The following MEIS1 variants were observed in gnomAD, a reference collection of about 807,000 sequenced individuals.
The protein encoded by MEIS1 is Meis homeobox 1, also known as homeobox protein Meis1.
A neutral mutation model predicts 50.8 loss-of-function variants in MEIS1; 5 were observed. The ratio of observed to expected loss-of-function variants is 0.10; its 90% confidence interval spans 0.05 to 0.21. The LOEUF is 0.21. MEIS1 is among the 10% of genes least tolerant of loss of function. The probability of loss-of-function intolerance (pLI) is 1.00; values close to 1 mark genes in which losing one functional copy is unlikely to be tolerated. For synonymous variants in MEIS1, 176 were observed against 179.3 expected, an observed-to-expected ratio of 0.98 and a Z score of 0.15; for missense variants, 318 against 517.3, an observed-to-expected ratio of 0.61 and a Z score of 3.74.
chr2:66,523,953 A>T (rs921346029), intron 8 of MEIS1, among the ~76,000 whole-genome samples: 4 of 152,230 alleles, frequency 2.6e-5, no homozygotes, highest in African/African-American at 9.6e-5. Flanking sequence ...AATAATTTAA[A>T]TACAGTCAAA....
At chr2:66,453,280 T>C (rs1252341767) in intron 6 of MEIS1, among the ~76,000 whole-genome samples, 2 of 152,064 alleles carry the variant, frequency 1.3e-5, no homozygotes, top group South Asian at 2.1e-4. Context: ...ATCCAAATAC[T>C]CTGTAACTGT....
At chr2:66,552,737 G>A (rs1674951532) in intron 9 of MEIS1, among the ~76,000 whole-genome samples, 1 of 152,130 alleles carries the variant, frequency 6.6e-6, no homozygotes, top group Non-Finnish European at 1.5e-5. Context: ...AGATTCAGCT[G>A]TTAAAGGTCA....
intron 7 of MEIS1, among the ~76,000 whole-genome samples, chr2:66,486,558 C>A (rs1300404635): frequency 6.6e-6 from 1 of 151,976 alleles, no homozygotes; most frequent in African/African-American, 2.4e-5. Context: ...TTCTTTTTGC[C>A]TAGGATTGTC....
At chr2:66,544,950 G>A (rs1441211723) in intron 8 of MEIS1, among the ~76,000 whole-genome samples, 1 of 152,084 alleles carries the variant, frequency 6.6e-6, no homozygotes, top group Non-Finnish European at 1.5e-5. Context: ...GAGAATTTTT[G>A]TGACACCACT....
At chr2:66,435,948 C>A (rs921125187) in intron 1 of MEIS1, 80 bp downstream of exon 1, 3 of 1,319,938 alleles carry the variant, frequency 2.3e-6, no homozygotes, top group Non-Finnish European at 3.1e-6. Context: ...TAAAAAGTTT[C>A]CTTTTTTTCT....
chr2:66,441,329 G>C (rs1012142893), intron 4 of MEIS1, 85 bp from the exon 5 acceptor site: 1 of 1,150,842 alleles, frequency 8.7e-7, no homozygotes, highest in Non-Finnish European at 1.2e-6. Flanking sequence ...CTGGTGGGAG[G>C]GGGTGGGCTG....
chr2:66,572,262 A>G lies in MEIS1; in HGVS notation c.*1054A>G, dbSNP rs72824830. 4,195 of 152,278 alleles carry G rather than the reference A, an allele frequency of 0.028. 80 individuals carry two copies. The highest frequency in any genetic ancestry group is 0.042 in the Non-Finnish European group (2,884 of 68,042). 9.4% of individuals were successfully genotyped at this position (152,278 alleles called of 1,614,324 possible). A position where few individuals can be genotyped will look rare whatever the true frequency, so the allele number is the denominator to read the frequency against. ...TGTCACATCAAGCATCATTGTCCCC[A>G]TGCAACAACCACCACCTTATACATC... On this transcript the variant is annotated 3_prime_UTR_variant, in exon 13 of 13. Transcript: ENST00000272369.
At chr2:66,531,362 T>A (rs915652804) in intron 8 of MEIS1, among the ~76,000 whole-genome samples, 4 of 152,240 alleles carry the variant, frequency 2.6e-5, no homozygotes, top group Non-Finnish European at 4.4e-5. Flanking sequence ...AGGTCACAGA[T>A]GACTCATGTG....
At chr2:66,560,781 G>A (rs1421139219) in intron 9 of MEIS1, among the ~76,000 whole-genome samples, 1 of 151,908 alleles carries the variant, frequency 6.6e-6, no homozygotes, top group Non-Finnish European at 1.5e-5. Flanking sequence ...TTATCAAGTG[G>A]GTAGAGAAGA....
chr2:66,499,703 A>G (rs113618061), intron 7 of MEIS1, among the ~76,000 whole-genome samples: 1 of 151,794 alleles, frequency 6.6e-6, no homozygotes, highest in Non-Finnish European at 1.5e-5. Context: ...GGTTAAAAAA[A>G]AAAAAAAAAA....
chr2:66,517,786 T>C lies in MEIS1; in HGVS notation c.888+5492T>C, dbSNP rs541895176. Among the ~76,000 whole-genome samples the C allele has an allele frequency of 3.9e-5, 6 of 152,340 alleles. No individual in the cohort carries two copies. In the South Asian group the frequency reaches 1.2e-3, roughly 32 times the overall value. ...GTGATATACATCATATAAACTCTGT[T>C]TTAATAATGAAGCGGGTGGTTTCCA... On this transcript the variant is annotated intron_variant, in intron 8 of 12. Transcript: ENST00000272369.
chr2:66,457,120 CTTG>C (rs1289439956), intron 6 of MEIS1, among the ~76,000 whole-genome samples: 1 of 147,902 alleles, frequency 6.8e-6, no homozygotes, highest in East Asian at 2.0e-4. Context: ...ACTGCCTAAA[CTTG>C]TTGTGGTTAA....
intron 7 of MEIS1, among the ~76,000 whole-genome samples, chr2:66,497,918 C>T (rs1393751492): frequency 6.6e-6 from 1 of 152,112 alleles, no homozygotes; most frequent in Non-Finnish European, 1.5e-5. Flanking sequence ...ATTTAGGCAG[C>T]ACTGCCACCC....
intron 7 of MEIS1, among the ~76,000 whole-genome samples, chr2:66,466,525 T>A (rs1386587891): frequency 1.3e-5 from 2 of 152,216 alleles, no homozygotes; most frequent in Admixed American, 6.5e-5. Flanking sequence ...AAACCTTTTT[T>A]TCATCCCTGA....
intron 9 of MEIS1, 100 bp from the exon 10 acceptor site, chr2:66,567,353 A>T: frequency 7.7e-7 from 1 of 1,295,294 alleles, no homozygotes; most frequent in Admixed American, 2.0e-5. Context: ...CATTTTGCCA[A>T]GATCTAGTTT....
intron 6 of MEIS1, 66 bp from the exon 7 acceptor site, chr2:66,464,043 A>C: frequency 8.5e-7 from 1 of 1,174,824 alleles, no homozygotes; most frequent in Non-Finnish European, 1.2e-6. Flanking sequence ...TCATTATGCC[A>C]TGGGATCCTA....
At chr2:66,443,140 G>C in intron 6 of MEIS1, 92 bp downstream of exon 6, 2 of 1,368,564 alleles carry the variant, frequency 1.5e-6, no homozygotes, top group Non-Finnish European at 1.9e-6. Flanking sequence ...TTTATTATTT[G>C]CATATGATTA....
At chr2:66,568,605 T>C in intron 10 of MEIS1, 62 bp from the exon 11 acceptor site, 1 of 1,246,368 alleles carries the variant, frequency 8.0e-7, no homozygotes, top group Non-Finnish European at 1.2e-6. Flanking sequence ...TTAGTCTCTC[T>C]TGGGCTATTT....
chr2:66,481,569 T>A (rs990303479), intron 7 of MEIS1, among the ~76,000 whole-genome samples: 61 of 152,248 alleles, frequency 4.0e-4, no homozygotes, highest in Admixed American at 3.8e-3. Flanking sequence ...AAGAGGAGGG[T>A]TGCAAGAGTT....
Sources: gnomAD v4.1 joint callset for allele counts (sites outside exome capture counted in the v4.1 genomes callset) on GRCh38, gnomAD v4.1.1 for gene constraint, MANE v1.5 for transcripts, NCBI Gene and HGNC (gene_info 2026-07-23, HGNC 2026-07-21) for gene names.